PCDHGA2: variants seen among roughly 807,000 people sequenced by gnomAD.
PCDHGA2 encodes protocadherin gamma subfamily A, 2.
A neutral mutation model predicts 59.2 loss-of-function variants in PCDHGA2; 40 were observed. The ratio of observed to expected loss-of-function variants is 0.68; its 90% CI spans 0.52 to 0.88. The LOEUF is 0.88. Ranked by LOEUF, PCDHGA2 falls within the 40% of genes least tolerant of loss-of-function variation. The probability of loss-of-function intolerance (pLI) is 0.00; values close to 1 mark genes in which losing one functional copy is unlikely to be tolerated. For missense variants in PCDHGA2, 1,226 were observed against 1,204.0 expected, an observed-to-expected ratio of 1.02 and a Z score of -0.27; for synonymous variants, 560 against 526.0, an observed-to-expected ratio of 1.06 and a Z score of -0.89.
chr5:141,400,030 C>G (rs201599536), intron 1 of PCDHGA2: 3 of 1,613,050 alleles, frequency 1.9e-6, no homozygotes, highest in Non-Finnish European at 2.5e-6. Flanking sequence ...GGACGCGGCC[C>G]GCCAGCGCCT....
intron 2 of PCDHGA2, among the ~76,000 whole-genome samples, chr5:141,502,500 G>A (rs1398797155): frequency 6.6e-6 from 1 of 152,046 alleles, no homozygotes; most frequent in Non-Finnish European, 1.5e-5. Context: ...ATCTAACGTC[G>A]GCCTGTCCCA....
intron 1 of PCDHGA2, chr5:141,366,321 T>G (rs752863239): frequency 6.2e-7 from 1 of 1,613,820 alleles, no homozygotes; most frequent in Non-Finnish European, 8.5e-7. Flanking sequence ...ACCGTTGCCG[T>G]GGCCGACAGG....
intron 1 of PCDHGA2, chr5:141,371,345 T>C (rs1417902000): frequency 1.2e-6 from 2 of 1,613,878 alleles, no homozygotes; most frequent in Admixed American, 1.7e-5. Flanking sequence ...GCTACACAAT[T>C]GGGGTGGAAG....
At chr5:141,353,818 C>T (rs958747733) in intron 1 of PCDHGA2, among the ~76,000 whole-genome samples, 8 of 152,152 alleles carry the variant, frequency 5.3e-5, no homozygotes, top group African/African-American at 1.9e-4. Context: ...CTCAATCATC[C>T]GCAGTTTGTG....
chr5:141,391,303 ATTCTTTTTTTT>A (rs2092340493), intron 1 of PCDHGA2: 1 of 150,682 alleles, frequency 6.6e-6, no homozygotes, highest in South Asian at 2.1e-4. Flanking sequence ...ACGTCTTTCG[ATTCTTTTTTTT>A]TTCTTTTTTT....
intron 1 of PCDHGA2, chr5:141,351,748 G>C: frequency 6.2e-7 from 1 of 1,613,678 alleles, no homozygotes; most frequent in Non-Finnish European, 8.5e-7. Context: ...AGCCGCGGGA[G>C]CTGTTGTCCT....
intron 1 of PCDHGA2, chr5:141,342,562 A>C (rs1588453984): frequency 6.6e-6 from 1 of 152,226 alleles, no homozygotes; most frequent in Non-Finnish European, 1.5e-5. Context: ...TTCTGAGACA[A>C]GGTGTTGTTT....
At chr5:141,441,340 C>T (rs2098240395) in intron 1 of PCDHGA2, 1 of 152,330 alleles carries the variant, frequency 6.6e-6, no homozygotes, top group Non-Finnish European at 1.5e-5. Flanking sequence ...CAATAATTAA[C>T]TACATGCTTG....
intron 1 of PCDHGA2, among the ~76,000 whole-genome samples, chr5:141,470,537 A>G (rs189730495): frequency 1.3e-5 from 2 of 152,256 alleles, no homozygotes; most frequent in Non-Finnish European, 2.9e-5. Context: ...TGTATCAGGT[A>G]ATATTTATTG....
intron 1 of PCDHGA2, chr5:141,350,020 T>C (rs1242075898): frequency 2.7e-6 from 1 of 367,434 alleles, no homozygotes; most frequent in Non-Finnish European, 4.8e-6. Context: ...TGTGCAGTTT[T>C]CCAAGACAAC....
intron 1 of PCDHGA2, chr5:141,423,757 G>A: frequency 5.1e-6 from 2 of 395,134 alleles, no homozygotes; most frequent in Non-Finnish European, 7.1e-6. Flanking sequence ...GTTTGGGGGG[G>A]GGGTGGGGCG....
At chr5:141,478,339 C>A in intron 1 of PCDHGA2, 1 of 1,613,918 alleles carries the variant, frequency 6.2e-7, no homozygotes, top group Admixed American at 1.7e-5. Flanking sequence ...CAGGGCCCTC[C>A]TTGCACGCGG....
At chr5:141,402,639 A>C (rs886333954) in intron 1 of PCDHGA2, among the ~76,000 whole-genome samples, 2 of 152,250 alleles carry the variant, frequency 1.3e-5, no homozygotes. Flanking sequence ...ATCTAAAATC[A>C]TAATTAGAAG....
chr5:141,371,438 CCTGGCTT>C (rs750409810), intron 1 of PCDHGA2: 1 of 1,613,882 alleles, frequency 6.2e-7, no homozygotes, highest in Non-Finnish European at 8.5e-7. Context: ...CGGAGATAAC[CCTGGCTT>C]CTGAATCCCA....
At position 141,365,023 on chromosome 5, in the gene PCDHGA2, G is replaced by A. The variant is rs775697621; in HGVS notation, c.2424+23628G>A. On this transcript the variant is annotated intron_variant, in intron 1 of 3. Transcript: ENST00000394576. Reference sequence around the variant, plus strand: ...CCGGCACCACGCACATCCGTGTTACGGTCCTCGACGCAAACGACAATGCGC... The same window carrying A: ...CCGGCACCACGCACATCCGTGTTACAGTCCTCGACGCAAACGACAATGCGC... 1.5e-4 allele frequency: 249 copies of A among 1,613,736 alleles called. No homozygotes were observed. The Middle Eastern group carries it at 3.6e-3, about 23-fold the overall frequency.
chr5:141,398,566 C>T, intron 1 of PCDHGA2: 1 of 1,613,980 alleles, frequency 6.2e-7, no homozygotes, highest in Non-Finnish European at 8.5e-7. Flanking sequence ...TGAGTCTGCA[C>T]AGCCTGGCAC....
chr5:141,392,844 G>C lies in PCDHGA2; in HGVS notation c.2424+51449G>C, dbSNP rs201895231. On this transcript the variant is annotated intron_variant, in intron 1 of 3. Coordinates refer to ENST00000394576, the MANE Select transcript of PCDHGA2 (RefSeq NM_018915.4). ...CGCTCCACAGAGTCGCCCCAGACGCGGCGAGCTGATCCTGCTGTGCGCGCT... is the reference window on the plus strand; with the variant it reads ...CGCTCCACAGAGTCGCCCCAGACGCCGCGAGCTGATCCTGCTGTGCGCGCT... 32 of 1,609,468 alleles carry C rather than the reference G, an allele frequency of 2.0e-5. No homozygotes were observed. The highest frequency in any genetic ancestry group is 2.5e-5 in the Non-Finnish European group (29 of 1,177,978).
chr5:141,424,023 A>G (rs1391381195), intron 1 of PCDHGA2: 1 of 1,047,166 alleles, frequency 9.5e-7, no homozygotes, highest in Non-Finnish European at 1.2e-6. Context: ...TGATTCACAA[A>G]CACTTTTTAT....
At chr5:141,509,335 G>T (rs113423267) in intron 3 of PCDHGA2, among the ~76,000 whole-genome samples, 106 of 152,262 alleles carry the variant, frequency 7.0e-4, no homozygotes, top group African/African-American at 2.4e-3. Context: ...CTGCCAGCTG[G>T]GCCTGGGCTG....
Sources: allele counts gnomAD v4.1 joint callset (sites outside exome capture counted in the v4.1 genomes callset), GRCh38; gene constraint gnomAD v4.1.1; transcripts MANE v1.5; gene names NCBI Gene and HGNC (gene_info 2026-07-23, HGNC 2026-07-21).